The following CTCF variants were observed in gnomAD, a reference collection of about 807,000 sequenced individuals.
CTCF encodes the protein transcriptional repressor CTCF.
A neutral mutation model predicts 72.3 loss-of-function variants in CTCF; 7 were observed. The ratio of observed to expected loss-of-function variants is 0.10; its 90% confidence interval spans 0.06 to 0.18. The LOEUF is 0.18. Ranked by LOEUF, CTCF falls within the 10% of genes least tolerant of loss-of-function variation. The pLI is 1.00. For synonymous variants in CTCF, 374 were observed against 315.8 expected, an observed-to-expected ratio of 1.18 and a Z score of -1.95; for missense variants, 516 against 949.1, an observed-to-expected ratio of 0.54 and a Z score of 6.00.
rs111872894 is a variant in CTCF at position 67,620,211 on chromosome 16, C to CTTT, written c.1087-479_1087-477dup. ...TAAACAGTTACTAGTAATGCGCAGT[C>CTTT]TTTTTTTTTGAGACAGAGTTTCGCC... On this transcript the variant is annotated intron_variant, in intron 5 of 11. Coordinates refer to ENST00000264010, the MANE Select transcript of CTCF (RefSeq NM_006565.4). Among the ~76,000 whole-genome samples, 13 of 151,472 alleles carry CTTT rather than the reference C, an allele frequency of 8.6e-5. No individual in the cohort carries two copies. In the South Asian group the frequency reaches 2.3e-3, roughly 27 times the overall value.
At chr16:67,628,076 T>G (rs1033801102) in intron 8 of CTCF, among the ~76,000 whole-genome samples, 9 of 150,546 alleles carry the variant, frequency 6.0e-5, no homozygotes, top group Admixed American at 4.0e-4. Flanking sequence ...TCCTGGGCGA[T>G]AGAGCGAGAC....
intron 2 of CTCF, among the ~76,000 whole-genome samples, chr16:67,602,117 G>A (rs544791212): frequency 6.6e-6 from 1 of 152,190 alleles, no homozygotes; most frequent in African/African-American, 2.4e-5. Context: ...GCCTGCCTCG[G>A]CCTCCCAAAG....
intron 2 of CTCF, among the ~76,000 whole-genome samples, chr16:67,582,732 G>A (rs1040195111): frequency 2.6e-5 from 4 of 151,916 alleles, no homozygotes; most frequent in African/African-American, 7.3e-5. Context: ...TTGACTCTGA[G>A]AGCCAAGTTT....
chr16:67,636,133 T>C (rs2052424592), intron 10 of CTCF, among the ~76,000 whole-genome samples: 1 of 152,036 alleles, frequency 6.6e-6, no homozygotes, highest in South Asian at 2.1e-4. Flanking sequence ...CCCAGCACAT[T>C]GGGAGGCCGA....
intron 9 of CTCF, among the ~76,000 whole-genome samples, chr16:67,628,837 G>T (rs938987828): frequency 3.3e-5 from 5 of 152,182 alleles, no homozygotes; most frequent in Admixed American, 2.6e-4. Context: ...AAGGTGGGTG[G>T]ATCACGAGGT....
Position 67,625,107 on chromosome 16 carries a change from G to A in CTCF, c.1358-1448G>A, listed in dbSNP as rs1326875005. ...GCCTAGCTAATTTTTGTATTTTTCA[G>A]TAGAGACGGGTTTCACTATATGTTG... is the stretch of plus-strand genomic sequence containing the variant. On this transcript the variant is annotated intron_variant, in intron 7 of 11. Transcript: ENST00000264010. 2.0e-5 allele frequency among the ~76,000 whole-genome samples: 3 copies of A among 152,040 alleles called. No homozygotes were observed. In the East Asian group the frequency reaches 5.8e-4, roughly 29 times the overall value.
intron 2 of CTCF, among the ~76,000 whole-genome samples, chr16:67,601,335 G>GTGTGTGTTT (rs1555532999): frequency 1.5e-5 from 2 of 134,082 alleles, no homozygotes; most frequent in Admixed American, 7.5e-5. Context: ...GTGTGTGTGT[G>GTGTGTGTTT]TGTTTTGTTT....
At chr16:67,630,796 G>A (rs979197100) in intron 10 of CTCF, among the ~76,000 whole-genome samples, 1 of 152,090 alleles carries the variant, frequency 6.6e-6, no homozygotes, top group African/African-American at 2.4e-5. Flanking sequence ...AGAGGGTGGA[G>A]GAACAAGAGT....
intron 2 of CTCF, among the ~76,000 whole-genome samples, chr16:67,591,071 T>C (rs1313067930): frequency 6.6e-6 from 1 of 151,090 alleles, no homozygotes; most frequent in Non-Finnish European, 1.5e-5. Context: ...GGCGGGCAGA[T>C]CACTTGAGGT....
intron 2 of CTCF, among the ~76,000 whole-genome samples, chr16:67,597,318 GTC>G (rs2142780052): frequency 6.6e-6 from 1 of 152,064 alleles, no homozygotes; most frequent in South Asian, 2.1e-4. Context: ...ACAGGCGTAA[GTC>G]TCTGTACCTG....
At chr16:67,612,989 T>G (rs1442935729) in intron 4 of CTCF, among the ~76,000 whole-genome samples, 1 of 152,224 alleles carries the variant, frequency 6.6e-6, no homozygotes, top group African/African-American at 2.4e-5. Context: ...TCAAGGAAGA[T>G]AATTCATAAT....
At chr16:67,594,507 C>G (rs986601583) in intron 2 of CTCF, among the ~76,000 whole-genome samples, 3 of 151,904 alleles carry the variant, frequency 2.0e-5, no homozygotes, top group African/African-American at 7.3e-5. Context: ...TCGAGAACAG[C>G]CTGGGCAACA....
chr16:67,589,941 G>A (rs1222590514), intron 2 of CTCF, among the ~76,000 whole-genome samples: 1 of 151,962 alleles, frequency 6.6e-6, no homozygotes. Flanking sequence ...ACAAAAATTA[G>A]CCTGGCATGA....
At chr16:67,612,467 G>C (rs2052073473) in intron 4 of CTCF, 1 of 173,384 alleles carries the variant, frequency 5.8e-6, no homozygotes, top group Non-Finnish European at 1.2e-5. Context: ...GTGGGCGCCT[G>C]TAGTCCCAGC....
intron 7 of CTCF, among the ~76,000 whole-genome samples, chr16:67,624,364 ACT>A (rs1418483391): frequency 6.6e-6 from 1 of 151,566 alleles, no homozygotes; most frequent in South Asian, 2.1e-4. Context: ...GAATGACCCC[ACT>A]CTCTGAATGT....
chr16:67,610,679 A>T, intron 2 of CTCF, 145 bp from the exon 3 acceptor site: 1 of 494,168 alleles, frequency 2.0e-6, no homozygotes, highest in Non-Finnish European at 3.3e-6. Flanking sequence ...TTTCATCAAG[A>T]GGCACATGTC....
intron 2 of CTCF, among the ~76,000 whole-genome samples, chr16:67,589,546 A>G (rs1597694234): frequency 6.6e-6 from 1 of 152,090 alleles, no homozygotes; most frequent in East Asian, 1.9e-4. Flanking sequence ...GGTGGTAGGA[A>G]GTATGTTAAC....
At chr16:67,634,171 CTTTTG>C (rs1220481003) in intron 10 of CTCF, among the ~76,000 whole-genome samples, 1 of 151,952 alleles carries the variant, frequency 6.6e-6, no homozygotes, top group African/African-American at 2.4e-5. Flanking sequence ...TTTAAATGGG[CTTTTG>C]TTTTGTTTTT....
At chr16:67,599,921 CTG>C (rs2051864776) in intron 2 of CTCF, among the ~76,000 whole-genome samples, 1 of 152,168 alleles carries the variant, frequency 6.6e-6, no homozygotes, top group Non-Finnish European at 1.5e-5. Context: ...GGAAAGACCT[CTG>C]TGTAGAAACA....
Sources: gnomAD v4.1 joint callset for allele counts (sites outside exome capture counted in the v4.1 genomes callset) on GRCh38, gnomAD v4.1.1 for gene constraint, MANE v1.5 for transcripts, NCBI Gene and HGNC (gene_info 2026-07-23, HGNC 2026-07-21) for gene names.